Variants in TENM3 observed in about 807,000 individuals in gnomAD.
TENM3 encodes teneurin-3.
Under a neutral mutation model 255.1 loss-of-function variants are expected in TENM3, and 63 were observed. That is an observed-to-expected ratio of 0.25 (90% confidence interval 0.20 to 0.30). TENM3 has a LOEUF of 0.30. Ranked by LOEUF, TENM3 falls within the 10% of genes least tolerant of loss-of-function variation. The probability of loss-of-function intolerance (pLI) is 1.00; values close to 1 mark genes in which losing one functional copy is unlikely to be tolerated. For missense variants in TENM3, 2,929 were observed against 3,461.1 expected (o/e 0.85, Z 3.86); for synonymous variants, 1,306 against 1,322.3 (o/e 0.99, Z 0.27).
the TENM3 span, among the ~76,000 whole-genome samples, chr4:181,676,922 A>G: frequency 6.7e-6 from 1 of 149,714 alleles, no homozygotes; most frequent in African/African-American, 2.5e-5. Flanking sequence ...CTTATTAACC[A>G]TTTCTTTCTT....
In TENM3 at chr4:182,156,458, G is replaced by A. The variant is rs13116933; in HGVS notation, c.-76+11704G>A. On this transcript the variant is annotated intron_variant, in intron 1 of 2. Coordinates refer to the TENM3 transcript ENST00000512480. ...TGGGGTACGGATGATCTCGTCACCC[G>A]GGCAGTGAGCATAGTATCCAGCAGC... Among the ~76,000 whole-genome samples, 12 of 151,974 alleles carry A rather than the reference G, an allele frequency of 7.9e-5. No homozygotes were observed. The South Asian group carries it at 1.5e-3, about 18-fold the overall frequency.
chr4:181,477,401 C>T, the TENM3 span, among the ~76,000 whole-genome samples: 2 of 152,124 alleles, frequency 1.3e-5, no homozygotes, highest in Non-Finnish European at 2.9e-5. Context: ...TACAGTTTCT[C>T]ACTTTTGTTT....
intron 1 of TENM3, among the ~76,000 whole-genome samples, chr4:182,191,836 G>C (rs1753543309): frequency 6.6e-6 from 1 of 152,070 alleles, no homozygotes. Context: ...AATCGTAACT[G>C]CATTTTAGAT....
the TENM3 span, among the ~76,000 whole-genome samples, chr4:181,544,940 C>T: frequency 1.3e-5 from 2 of 152,174 alleles, no homozygotes; most frequent in Non-Finnish European, 2.9e-5. Context: ...AAATGATATG[C>T]AGCTAGAAGC....
At chr4:182,708,666 C>T (rs774556122) in intron 12 of TENM3, among the ~76,000 whole-genome samples, 33 of 152,076 alleles carry the variant, frequency 2.2e-4, no homozygotes, top group East Asian at 2.1e-3. Context: ...GGTGTGGTGG[C>T]GGGCGCCTGT....
chr4:182,005,248 A>C, the TENM3 span, among the ~76,000 whole-genome samples: 1 of 152,164 alleles, frequency 6.6e-6, no homozygotes, highest in Non-Finnish European at 1.5e-5. Flanking sequence ...TTTTTGTATA[A>C]GATGTAAGGA....
the TENM3 span, among the ~76,000 whole-genome samples, chr4:181,557,664 C>A: frequency 6.7e-6 from 1 of 150,216 alleles, no homozygotes; most frequent in East Asian, 2.0e-4. Context: ...GTCACTGGGA[C>A]TACCGGTGCC....
chr4:181,626,547 T>A, the TENM3 span, among the ~76,000 whole-genome samples: 1 of 152,212 alleles, frequency 6.6e-6, no homozygotes, highest in South Asian at 2.1e-4. Context: ...CATGTTACAT[T>A]GTGAGAGCAC....
intron 3 of TENM3, among the ~76,000 whole-genome samples, chr4:182,369,786 C>T (rs1234069634): frequency 6.6e-6 from 1 of 152,018 alleles, no homozygotes; most frequent in Non-Finnish European, 1.5e-5. Context: ...GAGGCTGAGG[C>T]AGGGGAATTG....
the TENM3 span, among the ~76,000 whole-genome samples, chr4:181,625,537 G>C: frequency 6.6e-6 from 1 of 152,106 alleles, no homozygotes; most frequent in African/African-American, 2.4e-5. Context: ...ATACTGCCGG[G>C]CGCAGTGGCT....
chr4:181,921,091 A>G, the TENM3 span, among the ~76,000 whole-genome samples: 1 of 152,028 alleles, frequency 6.6e-6, no homozygotes, highest in Non-Finnish European at 1.5e-5. Flanking sequence ...CCATTCATCT[A>G]TGTCTCTGTT....
the TENM3 span, among the ~76,000 whole-genome samples, chr4:182,029,610 T>G: frequency 6.6e-6 from 1 of 152,172 alleles, no homozygotes; most frequent in Non-Finnish European, 1.5e-5. Flanking sequence ...CTTATACTTT[T>G]TGTCTTGAAA....
rs1761751641 is a variant in TENM3, at chr4:182,743,374, G to A, written c.3584G>A (p.Arg1195Gln). The change falls in exon 19 of 28, where the codon CGG (arginine) becomes CAG (glutamine). Residue 1195 changes from arginine to glutamine, a missense_variant. Arg to Gln is a conservative substitution (Grantham distance 43). This residue lies in a region of TENM3 where 1,608 missense variants were observed against 1,884.4 expected (regional missense o/e 0.85). Transcript: ENST00000511685. ...SLYVGDFNYV[R>Q]RIFPSGNVTS... ...TACGTAGGCGATTTCAACTATGTGCGGCGGATATTCCCTTCTGGAAATGTA... is the reference window on the plus strand; with the variant it reads ...TACGTAGGCGATTTCAACTATGTGCAGCGGATATTCCCTTCTGGAAATGTA... The A allele has an allele frequency of 1.9e-6, 3 of 1,613,792 alleles. No homozygotes were observed. Among genetic ancestry groups the A allele is most frequent in the Admixed American group, 1.7e-5 (1 of 59,992 alleles).
chr4:181,972,269 A>T, the TENM3 span, among the ~76,000 whole-genome samples: 4 of 151,772 alleles, frequency 2.6e-5, no homozygotes, highest in Non-Finnish European at 4.4e-5. Context: ...AAATATAAAA[A>T]TTAGCCAGGC....
At chr4:182,648,699 T>G (rs1399051088) in intron 5 of TENM3, among the ~76,000 whole-genome samples, 1 of 152,172 alleles carries the variant, frequency 6.6e-6, no homozygotes, top group Non-Finnish European at 1.5e-5. Context: ...TCCAGAAACC[T>G]CTAGGGACTA....
chr4:182,070,099 G>A, the TENM3 span, among the ~76,000 whole-genome samples: 2 of 152,166 alleles, frequency 1.3e-5, no homozygotes, highest in East Asian at 1.9e-4. Context: ...AGTATATTAT[G>A]AGTCTGCAAG....
chr4:182,220,115 G>A (rs916343243), intron 1 of TENM3, among the ~76,000 whole-genome samples: 1 of 152,108 alleles, frequency 6.6e-6, no homozygotes, highest in East Asian at 1.9e-4. Flanking sequence ...GTTGGCTGAT[G>A]CCCGAAATCC....
the TENM3 span, among the ~76,000 whole-genome samples, chr4:181,740,870 G>A: frequency 1.7e-4 from 26 of 152,098 alleles, no homozygotes; most frequent in Non-Finnish European, 2.5e-4. Context: ...GTACTTTGCT[G>A]TACCTACTGT....
chr4:182,010,411 GAAT>G, the TENM3 span, among the ~76,000 whole-genome samples: 1 of 151,624 alleles, frequency 6.6e-6, no homozygotes, highest in East Asian at 1.9e-4. Context: ...GAATACATTT[GAAT>G]AATATTTTTT....
Sources: allele counts gnomAD v4.1 joint callset (sites outside exome capture counted in the v4.1 genomes callset), GRCh38; gene constraint gnomAD v4.1.1; regional missense constraint gnomAD v4.1.1; transcripts MANE v1.5; gene names NCBI Gene and HGNC (gene_info 2026-07-23, HGNC 2026-07-21).